AARS1: variants seen among roughly 807,000 people sequenced by gnomAD.
The protein encoded by AARS1 is alanyl-tRNA synthetase 1.
A neutral mutation model predicts 108.9 loss-of-function variants in AARS1; 72 were observed. The ratio of observed to expected loss-of-function variants is 0.66; its 90% CI spans 0.55 to 0.80. The LOEUF is 0.80. Ranked by LOEUF, AARS1 falls within the 30% of genes least tolerant of loss-of-function variation. The pLI is 0.00. For missense variants in AARS1, 1,193 were observed against 1,233.2 expected (o/e 0.97, Z 0.49); for synonymous variants, 489 against 465.7 (o/e 1.05, Z -0.64).
chr16:70,276,240 A>T lies in AARS1; in HGVS notation c.479+246T>A, dbSNP rs117626545. ...AAAAAATAAATAAATAAATAAATAA[A>T]GATATTAATGCATCTAAAGATAATT... On this transcript the variant is annotated intron_variant, in intron 4 of 20. Transcript: ENST00000261772. 0.044 allele frequency: 11,372 copies of T among 255,684 alleles called. 379 individuals carry two copies. Among genetic ancestry groups the T allele is most frequent in the Non-Finnish European group, 0.056 (7,445 of 133,648 alleles). 15.8% of individuals were successfully genotyped at this position (255,684 alleles called of 1,614,324 possible).
intron 20 of AARS1, 95 bp from the exon 21 acceptor site, chr16:70,253,001 C>T (rs1959879865): frequency 7.2e-7 from 1 of 1,384,914 alleles, no homozygotes; most frequent in Non-Finnish European, 1.0e-6. Context: ...TCACCCACTC[C>T]TTGCCCTGGG....
intron 7 of AARS1, among the ~76,000 whole-genome samples, chr16:70,269,355 A>C (rs1020655016): frequency 9.2e-6 from 1 of 108,562 alleles, no homozygotes; most frequent in Non-Finnish European, 1.9e-5. Flanking sequence ...AAAAAAAAAA[A>C]AAAAACAACC....
At chr16:70,262,926 C>CCATTG (rs1381174275) in intron 11 of AARS1, among the ~76,000 whole-genome samples, 11 of 132,308 alleles carry the variant, frequency 8.3e-5, no homozygotes, top group East Asian at 2.3e-4. Flanking sequence ...CGAGATTGTG[C>CCATTG]CACTCCACTC....
At chr16:70,284,311 A>G (rs1960787396) in intron 1 of AARS1, among the ~76,000 whole-genome samples, 1 of 140,812 alleles carries the variant, frequency 7.1e-6, no homozygotes. Context: ...GTCTCAAAAA[A>G]AACAAAAATG....
At chr16:70,265,173 G>T in intron 10 of AARS1, 71 bp from the exon 11 acceptor site, 1 of 1,575,388 alleles carries the variant, frequency 6.3e-7, no homozygotes, top group Non-Finnish European at 8.7e-7. Context: ...ACTGGAACTT[G>T]CTAAACTATG....
In AARS1 at chr16:70,276,517, G is replaced by C. The variant is rs375771906; in HGVS notation, c.448C>G (p.Leu150Val). ...TTTTGCCAGATCTGTTTGCATTCCA[G>C]ATCTGCTTCTAAGCCAGCTGCTTCA... ...GDEAAGLEADLECKQIWQNLG... is the reference protein window; with the variant it reads ...GDEAAGLEADVECKQIWQNLG... Residue 150 changes from leucine to valine, a missense_variant, in exon 4 of 21, where the codon CTG (leucine) becomes GTG (valine). Physicochemically the swap from Leu to Val is conservative, Grantham distance 32. Coordinates refer to ENST00000261772, the MANE Select transcript of AARS1 (RefSeq NM_001605.3). 2 of 1,614,084 alleles carry C rather than the reference G, an allele frequency of 1.2e-6. No homozygotes were observed. Among genetic ancestry groups the C allele is most frequent in the East Asian group, 2.2e-5 (1 of 44,864 alleles).
At chr16:70,253,168 G>C in intron 20 of AARS1, 100 bp downstream of exon 20, 2 of 1,073,974 alleles carry the variant, frequency 1.9e-6, no homozygotes, top group South Asian at 1.3e-5. Context: ...TAACCAACCG[G>C]TGGGCAGAAA....
intron 9 of AARS1, among the ~76,000 whole-genome samples, chr16:70,266,648 A>G (rs1188079461): frequency 2.0e-5 from 3 of 151,522 alleles, no homozygotes; most frequent in African/African-American, 7.3e-5. Context: ...CAGTCTCCCG[A>G]GTAGCTGGGA....
chr16:70,267,105 G>C (rs2152159800), intron 9 of AARS1, among the ~76,000 whole-genome samples: 1 of 152,262 alleles, frequency 6.6e-6, no homozygotes, highest in Admixed American at 6.5e-5. Flanking sequence ...CAAAGTGCTA[G>C]GATTACAGGT....
Position 70,262,967 on chromosome 16 carries a change from CAAAA to C in AARS1, c.1493-447_1493-444del, listed in dbSNP as rs57444625. Reference sequence around the variant, plus strand: ...TGGGTGACAAAGCAAGACTCGGTCTCAAAAAAAAAAAAAAAAAAAAAAAAAAAAA... The same window carrying C: ...TGGGTGACAAAGCAAGACTCGGTCTCAAAAAAAAAAAAAAAAAAAAAAAAA... On this transcript the variant is annotated intron_variant, in intron 11 of 20. Coordinates refer to ENST00000261772, the MANE Select transcript of AARS1 (RefSeq NM_001605.3). 4.0e-3 allele frequency among the ~76,000 whole-genome samples: 83 copies of C among 20,594 alleles called. 2 individuals carry two copies. Among genetic ancestry groups the C allele is most frequent in the African/African-American group, 0.011 (80 of 6,972 alleles). The allele number at this position is 20,594 out of a possible 152,430, so 13.5% of individuals were successfully genotyped here.
At position 70,259,933 on chromosome 16, in the gene AARS1, C is replaced by T. The variant is rs546668388; in HGVS notation, c.1786-747G>A. ...GATTACAGGCATGCACCACCACACC[C>T]GGCTAATTTTGTATTTTTAGTAGAG... On this transcript the variant is annotated intron_variant, in intron 13 of 20. Coordinates refer to ENST00000261772, the MANE Select transcript of AARS1 (RefSeq NM_001605.3). Among the ~76,000 whole-genome samples, 3 of 152,166 alleles carry T rather than the reference C, an allele frequency of 2.0e-5. No homozygotes were observed. The East Asian group carries it at 5.8e-4, about 29-fold the overall frequency.
In AARS1 at chr16:70,276,548, G is replaced by A. The variant is rs758260278; in HGVS notation, c.417C>T (p.Gly139=). The change falls in exon 4 of 21, where the codon GGC becomes GGT. Residue 139 remains glycine, a synonymous_variant. Coordinates refer to ENST00000261772, the MANE Select transcript of AARS1 (RefSeq NM_001605.3). ...PIERLYVTYF[G]GDEAAGLEAD... is the part of the protein sequence containing the mutation. ...CTTCTAAGCCAGCTGCTTCATCCCC[G>A]CCAAAGTAAGTAACATAAAGTCTTT... 41 of 1,613,878 alleles carry A rather than the reference G, an allele frequency of 2.5e-5. No individual in the cohort carries two copies. Among genetic ancestry groups the A allele is most frequent in the Middle Eastern group, 3.3e-4 (2 of 6,082 alleles).
chr16:70,278,558 C>CTT (rs1960610334), intron 2 of AARS1, among the ~76,000 whole-genome samples: 1 of 148,438 alleles, frequency 6.7e-6, no homozygotes, highest in Non-Finnish European at 1.5e-5. Context: ...GAGTGAGACT[C>CTT]TGTCTCCAAA....
At position 70,252,915 on chromosome 16, in the gene AARS1, C is replaced by T. The variant is rs1353803303; in HGVS notation, c.2722-9G>A. 1 of 1,613,884 alleles carries T rather than the reference C, an allele frequency of 6.2e-7. No individual in the cohort carries two copies. The highest frequency in any genetic ancestry group is 8.5e-7 in the Non-Finnish European group (1 of 1,180,000). ...CCCCGATTGGCTGCATTCTAGAAGACAGGAAGGGAAGGGGGAGTCAGCACA... is the reference window on the plus strand; with the variant it reads ...CCCCGATTGGCTGCATTCTAGAAGATAGGAAGGGAAGGGGGAGTCAGCACA... On this transcript the variant is annotated splice_polypyrimidine_tract_variant and intron_variant, in intron 20 of 20. Coordinates refer to ENST00000261772, the MANE Select transcript of AARS1 (RefSeq NM_001605.3).
intron 1 of AARS1, among the ~76,000 whole-genome samples, chr16:70,285,718 G>A (rs1960823953): frequency 6.6e-6 from 1 of 152,136 alleles, no homozygotes; most frequent in Non-Finnish European, 1.5e-5. Flanking sequence ...CAAAGTGCTA[G>A]GATTACAGGC....
At chr16:70,262,249 G>T in intron 12 of AARS1, 97 bp downstream of exon 12, 1 of 1,446,568 alleles carries the variant, frequency 6.9e-7, no homozygotes, top group South Asian at 1.1e-5. Flanking sequence ...AGGTGTGTCA[G>T]GTCTGCTCCC....
At chr16:70,272,234 G>T (rs1199079068) in intron 4 of AARS1, among the ~76,000 whole-genome samples, 1 of 152,114 alleles carries the variant, frequency 6.6e-6, no homozygotes, top group Non-Finnish European at 1.5e-5. Flanking sequence ...GCTGGGCGTG[G>T]TGGCTCATGC....
chr16:70,270,372 C>G (rs1286834236), intron 5 of AARS1, 32 bp from the exon 6 acceptor site: 1 of 1,613,882 alleles, frequency 6.2e-7, no homozygotes, highest in African/African-American at 1.3e-5. Flanking sequence ...GAGGTTGAAG[C>G]AGAGACTCAA....
chr16:70,263,586 A>T (rs1033209955), intron 11 of AARS1, among the ~76,000 whole-genome samples: 2 of 151,660 alleles, frequency 1.3e-5, no homozygotes, highest in Non-Finnish European at 1.5e-5. Flanking sequence ...AAAAAAAAAG[A>T]TTGTTCTCTA....
Sources: allele counts gnomAD v4.1 joint callset (sites outside exome capture counted in the v4.1 genomes callset), GRCh38; gene constraint gnomAD v4.1.1; transcripts MANE v1.5; gene names NCBI Gene and HGNC (gene_info 2026-07-23, HGNC 2026-07-21).